DIP2C: variants seen among roughly 807,000 people sequenced by gnomAD.
DIP2C encodes disco-interacting protein 2 homolog C.
A neutral mutation model predicts 192.4 loss-of-function variants in DIP2C; 33 were observed. The observed-to-expected ratio is 0.17, with a 90% confidence interval of 0.13 to 0.23. The LOEUF (loss-of-function observed/expected upper bound fraction) is 0.23. DIP2C is among the 10% of genes least tolerant of loss of function. The probability of loss-of-function intolerance (pLI) is 1.00; values close to 1 mark genes in which losing one functional copy is unlikely to be tolerated. For missense variants in DIP2C, 1,537 were observed against 2,110.1 expected, an observed-to-expected ratio of 0.73 and a Z score of 5.32; for synonymous variants, 979 against 864.1, an observed-to-expected ratio of 1.13 and a Z score of -2.33.
rs183029581 is a variant in DIP2C, at chr10:670,239, C to T, written c.85+19255G>A. Among the ~76,000 whole-genome samples, 361 of 151,730 alleles carry T rather than the reference C, an allele frequency of 2.4e-3. 1 individual carries two copies. Among genetic ancestry groups the T allele is most frequent in the Non-Finnish European group, 4.0e-3 (274 of 68,020 alleles). ...ATACGCACACGCATGCATGCACACG[C>T]ATATGCACACACGTACATGCACATA... On this transcript the variant is annotated intron_variant, in intron 1 of 36. Coordinates refer to ENST00000280886, the MANE Select transcript of DIP2C (RefSeq NM_014974.3).
chr10:598,363 A>T (rs1419560394), intron 1 of DIP2C, among the ~76,000 whole-genome samples: 1 of 152,238 alleles, frequency 6.6e-6, no homozygotes, highest in African/African-American at 2.4e-5. Context: ...TTGAGCACAA[A>T]CCTTTCCAAC....
intron 14 of DIP2C, among the ~76,000 whole-genome samples, chr10:385,358 C>A (rs2132908864): frequency 6.6e-6 from 1 of 152,328 alleles, no homozygotes; most frequent in East Asian, 1.9e-4. Flanking sequence ...CCCTCGAACT[C>A]CACTGCTTTC....
At chr10:472,411 GT>G in intron 3 of DIP2C, 27 bp downstream of exon 3, 1 of 1,595,990 alleles carries the variant, frequency 6.3e-7, no homozygotes, top group Non-Finnish European at 8.6e-7. Flanking sequence ...GCAGATGGAC[GT>G]ATTGTATCAC....
At chr10:303,844 CT>C (rs897537449) in intron 32 of DIP2C, among the ~76,000 whole-genome samples, 29 of 149,780 alleles carry the variant, frequency 1.9e-4, no homozygotes, top group South Asian at 4.2e-4. Flanking sequence ...ACTTTTTAAA[CT>C]TTTTTTTTTG....
chr10:335,760 C>T (rs1298341551), intron 29 of DIP2C, among the ~76,000 whole-genome samples: 3 of 152,240 alleles, frequency 2.0e-5, no homozygotes, highest in African/African-American at 7.2e-5. Flanking sequence ...GGCTTTTCCA[C>T]CATGAAGACT....
At chr10:390,516 T>C in intron 11 of DIP2C, 143 bp from the exon 12 acceptor site, 1 of 1,063,788 alleles carries the variant, frequency 9.4e-7, no homozygotes, top group Non-Finnish European at 1.4e-6. Flanking sequence ...ATCTAAGACA[T>C]CAACAGAAGA....
At chr10:591,660 G>A (rs989890825) in intron 1 of DIP2C, among the ~76,000 whole-genome samples, 19 of 152,258 alleles carry the variant, frequency 1.2e-4, no homozygotes, top group African/African-American at 4.6e-4. Flanking sequence ...CTTTTCATCT[G>A]CCTGCCGGTG....
chr10:472,052 T>C (rs929104360), intron 3 of DIP2C, among the ~76,000 whole-genome samples: 1 of 152,280 alleles, frequency 6.6e-6, no homozygotes, highest in East Asian at 1.9e-4. Context: ...CACATAACAA[T>C]GTATGGTTTT....
chr10:385,656 G>T (rs1418958778), intron 14 of DIP2C, among the ~76,000 whole-genome samples: 1 of 152,158 alleles, frequency 6.6e-6, no homozygotes, highest in African/African-American at 2.4e-5. Context: ...GTACCTGCAC[G>T]CTGCTGCACA....
chr10:389,867 T>A, intron 13 of DIP2C, 124 bp downstream of exon 13: 1 of 761,494 alleles, frequency 1.3e-6, no homozygotes, highest in Non-Finnish European at 2.2e-6. Flanking sequence ...AATAAGTTCA[T>A]GTCAGCGGAG....
chr10:340,610 T>G, intron 29 of DIP2C: 1 of 361,386 alleles, frequency 2.8e-6, no homozygotes, highest in South Asian at 2.0e-5. Context: ...ATTTCTACAA[T>G]GAACATGTAT....
chr10:316,007 T>G (rs1956760039), intron 31 of DIP2C, among the ~76,000 whole-genome samples: 2 of 152,160 alleles, frequency 1.3e-5, no homozygotes, highest in African/African-American at 4.8e-5. Context: ...TTCCATTTTG[T>G]TTTTTCTCAT....
chr10:658,038 C>G (rs1420153440), intron 1 of DIP2C, among the ~76,000 whole-genome samples: 3 of 151,496 alleles, frequency 2.0e-5, no homozygotes, highest in Non-Finnish European at 4.4e-5. Flanking sequence ...TGCCCTTGGA[C>G]CTGTCCCTGG....
At chr10:484,742 C>G (rs1428643092) in intron 2 of DIP2C, 1 of 1,599,254 alleles carries the variant, frequency 6.3e-7, no homozygotes, top group African/African-American at 1.3e-5. Context: ...CTAATGTGTA[C>G]CCTGCTGTGG....
intron 24 of DIP2C, 134 bp from the exon 25 acceptor site, chr10:349,588 A>G: frequency 8.2e-7 from 1 of 1,221,726 alleles, no homozygotes; most frequent in Non-Finnish European, 1.1e-6. Flanking sequence ...AGACCTGTGC[A>G]ACCAACATGA....
At chr10:400,225 G>A (rs772334253) in intron 9 of DIP2C, among the ~76,000 whole-genome samples, 2 of 152,118 alleles carry the variant, frequency 1.3e-5, no homozygotes, top group African/African-American at 2.4e-5. Flanking sequence ...GTCTCGTTAT[G>A]TTGCCCAGGC....
At chr10:279,936 A>G (rs900839904) in intron 36 of DIP2C, among the ~76,000 whole-genome samples, 25 of 152,262 alleles carry the variant, frequency 1.6e-4, no homozygotes, top group Admixed American at 1.3e-3. Flanking sequence ...GAGGTCACAC[A>G]AGCCAATTAA....
At chr10:395,881 G>A (rs922611851) in intron 10 of DIP2C, among the ~76,000 whole-genome samples, 9 of 152,202 alleles carry the variant, frequency 5.9e-5, no homozygotes, top group African/African-American at 2.2e-4. Context: ...AGCGTGAGAA[G>A]TCCTGGCCTC....
At chr10:377,739 G>C (rs781001621) in intron 17 of DIP2C, among the ~76,000 whole-genome samples, 1 of 152,156 alleles carries the variant, frequency 6.6e-6, no homozygotes, top group African/African-American at 2.4e-5. Context: ...TTCTCCCTGC[G>C]GACACGTCTT....
Sources: gnomAD v4.1 joint callset for allele counts (sites outside exome capture counted in the v4.1 genomes callset) on GRCh38, gnomAD v4.1.1 for gene constraint, MANE v1.5 for transcripts, NCBI Gene and HGNC (gene_info 2026-07-23, HGNC 2026-07-21) for gene names.